RHOXF1: variants seen among roughly 807,000 people sequenced by gnomAD.
The protein encoded by RHOXF1 is Rhox homeobox family member 1, also known as PEPP subfamily gene 1.
In RHOXF1, 1 loss-of-function variant was observed where a neutral mutation model predicts 9.7. The ratio of observed to expected loss-of-function variants is 0.10; its 90% CI spans 0.04 to 0.49. The LOEUF (loss-of-function observed/expected upper bound fraction) is 0.49, where lower values mean the gene tolerates loss of function less well. Ranked by LOEUF, RHOXF1 falls within the 20% of genes least tolerant of loss-of-function variation. RHOXF1 has a pLI of 0.95. For missense variants in RHOXF1, 179 were observed against 168.0 expected, an observed-to-expected ratio of 1.07 and a Z score of -0.36; for synonymous variants, 72 against 70.2, an observed-to-expected ratio of 1.03 and a Z score of -0.13.
rs140043999 is a variant in RHOXF1 at position 120,111,550 on chromosome X, A to C, written c.444+1319T>G. Among the ~76,000 whole-genome samples the C allele has an allele frequency of 3.4e-3, 378 of 112,132 alleles. 3 individuals are homozygous for C. Among genetic ancestry groups the C allele is most frequent in the African/African-American group, 0.011 (352 of 30,860 alleles). ...CTTAAGTGGTCATCACTTGAATCCT[A>C]TGACCTACTAATTAGTTAACACTGC... is the stretch of plus-strand genomic sequence containing the variant. On this transcript the variant is annotated intron_variant, in intron 2 of 2. Coordinates refer to ENST00000217999, the MANE Select transcript of RHOXF1 (RefSeq NM_139282.3).
intron 1 of RHOXF1, 70 bp downstream of exon 1, chrX:120,115,395 G>T: frequency 1.0e-6 from 1 of 970,237 alleles, no homozygotes; most frequent in Non-Finnish European, 1.4e-6. Context: ...GATTGGGTGG[G>T]GCAAGGGAGA....
Position 120,114,052 on chromosome X carries a change from C to T in RHOXF1, c.399-1138G>A, listed in dbSNP as rs999148936. Among the ~76,000 whole-genome samples the T allele has an allele frequency of 6.4e-5, 7 of 109,644 alleles. No individual in the cohort carries two copies. The South Asian group carries it at 1.6e-3, about 25-fold the overall frequency. On this transcript the variant is annotated intron_variant, in intron 1 of 2. Coordinates refer to ENST00000217999, the MANE Select transcript of RHOXF1 (RefSeq NM_139282.3). ...AGCAAATGTTGCAGAGAGCTGAAAT[C>T]GCACTGCTGCACTCCAACCTGGGCC...
chrX:120,111,767 G>A (rs2057265922), intron 2 of RHOXF1, among the ~76,000 whole-genome samples: 1 of 111,868 alleles, frequency 8.9e-6, no homozygotes, highest in African/African-American at 3.2e-5. Context: ...TCATAATGTT[G>A]AATTTGTATA....
upstream of RHOXF1, chrX:120,117,639 A>G (rs1328884171): frequency 3.6e-5 from 4 of 111,722 alleles, no homozygotes; most frequent in African/African-American, 1.3e-4. Flanking sequence ...GCAGCATGAC[A>G]AGGACTAAGC....
chrX:120,118,169 A>G (rs1405974240), upstream of RHOXF1, among the ~76,000 whole-genome samples: 4 of 111,927 alleles, frequency 3.6e-5, no homozygotes, highest in African/African-American at 1.3e-4. Context: ...CTTGGCGTGA[A>G]TGGCATGCAG....
chrX:120,112,523 A>ATG, intron 2 of RHOXF1, among the ~76,000 whole-genome samples: 1 of 107,087 alleles, frequency 9.3e-6, no homozygotes, highest in African/African-American at 3.3e-5. Context: ...TATAATACAC[A>ATG]TATGTATTAT....
chrX:120,115,953 G>A, upstream of RHOXF1: 1 of 871,026 alleles, frequency 1.1e-6, no homozygotes, highest in Middle Eastern at 4.6e-4. Context: ...TCTCATGCTT[G>A]GTATTGGTTA....
intron 2 of RHOXF1, among the ~76,000 whole-genome samples, chrX:120,110,221 TA>T (rs1205220397): frequency 2.7e-5 from 3 of 112,104 alleles, no homozygotes; most frequent in African/African-American, 9.7e-5. Flanking sequence ...CCAGGATGTC[TA>T]AGGGATCATT....
intron 2 of RHOXF1, among the ~76,000 whole-genome samples, chrX:120,111,226 T>C (rs1215074496): frequency 8.9e-6 from 1 of 111,763 alleles, no homozygotes; most frequent in African/African-American, 3.3e-5. Context: ...GCCTTGTTTT[T>C]CTTTTCCTCT....
chrX:120,119,352 G>A (rs1359549220), upstream of RHOXF1, among the ~76,000 whole-genome samples: 4 of 112,176 alleles, frequency 3.6e-5, no homozygotes, highest in African/African-American at 1.3e-4. Flanking sequence ...TGGTTCTAGG[G>A]TCACTGCTCA....
intron 2 of RHOXF1, among the ~76,000 whole-genome samples, chrX:120,112,454 TATGTATAATA>T (rs2057271208): frequency 4.0e-5 from 2 of 49,562 alleles, no homozygotes; most frequent in Admixed American, 2.3e-4. Context: ...ATAATACACA[TATGTATAATA>T]TATAATACAC....
At position 120,112,512 on chromosome X, in the gene RHOXF1, AT is replaced by A. The variant is rs781802281; in HGVS notation, c.444+356del. Among the ~76,000 whole-genome samples the A allele has an allele frequency of 1.1e-3, 116 of 108,176 alleles. 2 individuals carry two copies. The highest frequency in any genetic ancestry group is 3.6e-3 in the African/African-American group (109 of 30,641). The allele number at this position is 108,176 out of a possible 115,157, so 93.9% of individuals were successfully genotyped here. ...TATATAATACACATATATGTATTATATATAATACACATATGTATTATATATA... is the reference window on the plus strand; with the variant it reads ...TATATAATACACATATATGTATTATAATAATACACATATGTATTATATATA... On this transcript the variant is annotated intron_variant, in intron 2 of 2. Transcript: ENST00000217999.
intron 1 of RHOXF1, 40 bp downstream of exon 1, chrX:120,115,425 G>C (rs934754211): frequency 1.9e-6 from 2 of 1,051,440 alleles, no homozygotes. Flanking sequence ...GCCTCGAAAC[G>C]AACTTGGAGA....
Position 120,111,519 on chromosome X carries a change from T to C in RHOXF1, c.444+1350A>G. Among the ~76,000 whole-genome samples the C allele has an allele frequency of 3.6e-5, 4 of 112,180 alleles. No individual in the cohort carries two copies. In the South Asian group the frequency reaches 1.5e-3, roughly 42 times the overall value. On this transcript the variant is annotated intron_variant, in intron 2 of 2. Coordinates refer to ENST00000217999, the MANE Select transcript of RHOXF1 (RefSeq NM_139282.3). ...CACTTTGATACTATGTATGGTTTTC[T>C]TTGGTCTTAAGTGGTCATCACTTGA...
At position 120,111,590 on chromosome X, in the gene RHOXF1, AG is replaced by A. The variant is rs782754601; in HGVS notation, c.444+1278del. Among the ~76,000 whole-genome samples the A allele has an allele frequency of 2.7e-5, 3 of 112,143 alleles. No individual in the cohort carries two copies. The East Asian group carries it at 8.4e-4, about 31-fold the overall frequency. On this transcript the variant is annotated intron_variant, in intron 2 of 2. Transcript: ENST00000217999. ...GTTAACACTGCTTAAAGGAATGAAA[AG>A]TATTTGAAATTAACATGGGTGTGAA...
chrX:120,118,966 G>A (rs1353421363), upstream of RHOXF1, among the ~76,000 whole-genome samples: 6 of 111,791 alleles, frequency 5.4e-5, no homozygotes, highest in African/African-American at 2.0e-4. Context: ...CCTGGCCCAG[G>A]GCTCATACAT....
upstream of RHOXF1, among the ~76,000 whole-genome samples, chrX:120,118,672 G>C (rs147303800): frequency 9.2e-3 from 1,018 of 110,719 alleles, 20 homozygotes; most frequent in African/African-American, 0.03. Flanking sequence ...TTAAACCTGG[G>C]ATATTGCATT....
intron 1 of RHOXF1, 114 bp downstream of exon 1, chrX:120,115,351 G>C (rs1026631146): frequency 8.9e-6 from 5 of 563,548 alleles, no homozygotes; most frequent in Non-Finnish European, 1.3e-5. Context: ...CCAGCACAAA[G>C]GCAGGCAAGG....
At chrX:120,112,390 A>G (rs41311648) in intron 2 of RHOXF1, among the ~76,000 whole-genome samples, 1 of 97,678 alleles carries the variant, frequency 1.0e-5, no homozygotes, top group African/African-American at 3.9e-5. Flanking sequence ...ATATATGTAT[A>G]TATGTATGAT....
Sources: allele counts gnomAD v4.1 joint callset (sites outside exome capture counted in the v4.1 genomes callset), GRCh38; gene constraint gnomAD v4.1.1; transcripts MANE v1.5; gene names NCBI Gene and HGNC (gene_info 2026-07-23, HGNC 2026-07-21).